ZNF264: variants seen among roughly 807,000 people sequenced by gnomAD.
The protein encoded by ZNF264 is zinc finger protein 264.
A neutral mutation model predicts 11.2 loss-of-function variants in ZNF264; 11 were observed. The observed-to-expected ratio is 0.98, with a 90% CI of 0.62 to 1.63. ZNF264 has a LOEUF of 1.63. Ranked by LOEUF, ZNF264 falls within the 40% of genes most tolerant of loss-of-function variation. The pLI, the probability that ZNF264 is intolerant of heterozygous loss-of-function variation, is 0.00. For missense variants in ZNF264, 752 were observed against 768.1 expected, an observed-to-expected ratio of 0.98 and a Z score of 0.25; for synonymous variants, 309 against 279.8, an observed-to-expected ratio of 1.10 and a Z score of -1.04.
At chr19:57,201,806 C>G (rs1332275268) in intron 2 of ZNF264, among the ~76,000 whole-genome samples, 1 of 151,928 alleles carries the variant, frequency 6.6e-6, no homozygotes, top group East Asian at 1.9e-4. Context: ...CTGCCAGCAT[C>G]TCGCAGCCTT....
At chr19:57,207,437 G>T (rs1005483793) in intron 3 of ZNF264, among the ~76,000 whole-genome samples, 2 of 151,798 alleles carry the variant, frequency 1.3e-5, no homozygotes, top group African/African-American at 4.8e-5. Context: ...CTATACCAGG[G>T]TCTAGAACAC....
chr19:57,201,329 A>G (rs2087251899), intron 2 of ZNF264, among the ~76,000 whole-genome samples: 1 of 151,960 alleles, frequency 6.6e-6, no homozygotes, highest in African/African-American at 2.4e-5. Context: ...GGGGAGAGGA[A>G]GAGGTTTGAT....
chr19:57,200,160 G>A (rs2087240909), intron 2 of ZNF264, among the ~76,000 whole-genome samples: 1 of 151,820 alleles, frequency 6.6e-6, no homozygotes, highest in African/African-American at 2.4e-5. Flanking sequence ...AGCTAGTCAT[G>A]TGAGTGGCTG....
rs767323691 is a variant in ZNF264, at chr19:57,197,131, G to A, written c.160+3130G>A. On this transcript the variant is annotated intron_variant, in intron 2 of 3. Coordinates refer to ENST00000263095, the MANE Select transcript of ZNF264 (RefSeq NM_003417.5). ...ATAGGGAACTTCCCATGAGGCCATC[G>A]GTGCAGGCTGGGGGAGAGAAGGTGG... Among the ~76,000 whole-genome samples, 9 of 151,860 alleles carry A rather than the reference G, an allele frequency of 5.9e-5. 1 individual carries two copies. In the South Asian group the frequency reaches 8.3e-4, roughly 14 times the overall value.
rs1201671215 is a variant in ZNF264, at chr19:57,211,338, G to A, written c.257-16G>A. On this transcript the variant is annotated splice_polypyrimidine_tract_variant and intron_variant, in intron 3 of 3. Coordinates refer to ENST00000263095, the MANE Select transcript of ZNF264 (RefSeq NM_003417.5). ...CCTTTACTAACAGGCCCTTTTGTGTGCTGGATTTCTTTCAGGCGACAAAGG... is the reference window on the plus strand; with the variant it reads ...CCTTTACTAACAGGCCCTTTTGTGTACTGGATTTCTTTCAGGCGACAAAGG... 6.3e-7 allele frequency: 1 copy of A among 1,579,594 alleles called. No homozygotes were observed. Among genetic ancestry groups the A allele is most frequent in the South Asian group, 1.1e-5 (1 of 87,510 alleles).
Position 57,219,067 on chromosome 19 carries a change from T to G in ZNF264, c.*6086T>G, listed in dbSNP as rs2087399531. On this transcript the variant is annotated 3_prime_UTR_variant, in exon 4 of 4. Transcript: ENST00000263095. ...AGATTTTTCAGAGTCATGTTCTCCA[T>G]GGAATGTTTGTAAAATTCCCTAGCT... 6.6e-6 allele frequency: 1 copy of G among 152,096 alleles called. No individual in the cohort carries two copies. Among genetic ancestry groups the G allele is most frequent in the African/African-American group, 2.4e-5 (1 of 41,396 alleles). The allele number at this position is 152,096 out of a possible 1,614,324, so 9.4% of individuals were successfully genotyped here. A position where few individuals can be genotyped will look rare whatever the true frequency, so the allele number is the denominator to read the frequency against.
chr19:57,191,854 G>T lies in ZNF264; in HGVS notation c.-60G>T. On this transcript the variant is annotated 5_prime_UTR_variant, in exon 1 of 4. Transcript: ENST00000263095. The stretch of plus-strand genomic sequence containing the variant: ...AACCGGCCAGGGTCGGGCACAGGTG[G>T]GGTCCGTCAGGCCGCCCGGGGCTCC... 7.9e-7 allele frequency: 1 copy of T among 1,258,494 alleles called. No homozygotes were observed. Among genetic ancestry groups the T allele is most frequent in the African/African-American group, 1.5e-5 (1 of 64,736 alleles). The allele number at this position is 1,258,494 out of a possible 1,614,324, so 78.0% of individuals were successfully genotyped here.
chr19:57,206,260 T>C (rs968790327), intron 3 of ZNF264, among the ~76,000 whole-genome samples: 13 of 152,184 alleles, frequency 8.5e-5, no homozygotes, highest in Non-Finnish European at 2.9e-5. Context: ...CTTTTTTTTT[T>C]TGAGACGGAG....
chr19:57,217,734 A>C lies in ZNF264; in HGVS notation c.*4753A>C, dbSNP rs1318803444. The C allele has an allele frequency of 6.8e-6, 1 of 146,004 alleles. No homozygotes were observed. Among genetic ancestry groups the C allele is most frequent in the Non-Finnish European group, 1.5e-5 (1 of 66,902 alleles). The allele number at this position is 146,004 out of a possible 1,614,324, so 9.0% of individuals were successfully genotyped here. A position where few individuals can be genotyped will look rare whatever the true frequency, so the allele number is the denominator to read the frequency against. ...GGCCACAAGATGTAATTTTTACTTT[A>C]TCTCTCACACGTATTTTACAAAACG... On this transcript the variant is annotated 3_prime_UTR_variant, in exon 4 of 4. Coordinates refer to ENST00000263095, the MANE Select transcript of ZNF264 (RefSeq NM_003417.5).
Position 57,211,387 on chromosome 19 carries a change from C to T in ZNF264, c.290C>T (p.Thr97Ile), listed in dbSNP as rs1436040333. ...GGAAAACCTAAGACCACAGAACCTA[C>T]CACTTGTGAGCCAGCCTTGTCAGAG... ...DKGKPKTTEP[T>I]TCEPALSEGI... Residue 97 changes from threonine to isoleucine, a missense_variant, in exon 4 of 4, where the codon ACC (threonine) becomes ATC (isoleucine). Transcript: ENST00000263095. 3 of 1,613,834 alleles carry T rather than the reference C, an allele frequency of 1.9e-6. No homozygotes were observed. The highest frequency in any genetic ancestry group is 3.3e-5 in the Admixed American group (2 of 59,994).
At chr19:57,209,158 T>G (rs1179851139) in intron 3 of ZNF264, among the ~76,000 whole-genome samples, 1 of 152,142 alleles carries the variant, frequency 6.6e-6, no homozygotes, top group Non-Finnish European at 1.5e-5. Flanking sequence ...CTCCAAAAGG[T>G]CTTAATTTAC....
Position 57,215,159 on chromosome 19 carries a change from A to G in ZNF264, c.*2178A>G, listed in dbSNP as rs1448263301. 6.6e-6 allele frequency: 1 copy of G among 152,208 alleles called. No individual in the cohort carries two copies. The highest frequency in any genetic ancestry group is 1.5e-5 in the Non-Finnish European group (1 of 68,014). The allele number at this position is 152,208 out of a possible 1,614,324, so 9.4% of individuals were successfully genotyped here. A position where few individuals can be genotyped will look rare whatever the true frequency, so the allele number is the denominator to read the frequency against. On this transcript the variant is annotated 3_prime_UTR_variant, in exon 4 of 4. Coordinates refer to ENST00000263095, the MANE Select transcript of ZNF264 (RefSeq NM_003417.5). ...AGAATTGGTGTTATTTGTTCTTGTC[A>G]TGTTTGATGACCTCTAGTCAACCAT...
At position 57,212,044 on chromosome 19, in the gene ZNF264, T is replaced by A; in HGVS notation, c.947T>A (p.Val316Glu). The change falls in exon 4 of 4, where the codon GTG (valine) becomes GAG (glutamate). Residue 316 changes from valine (V) to glutamate (E), a missense_variant. Transcript: ENST00000263095. Reference sequence around the variant, plus strand: ...AGACACACTGGAGAAAAATCCTTTGTGTGCACAGAATGTGGCCAAGTCTTT... The same window carrying A: ...AGACACACTGGAGAAAAATCCTTTGAGTGCACAGAATGTGGCCAAGTCTTT... ...NRRHTGEKSF[V>E]CTECGQVFRH... 1 of 1,613,672 alleles carries A rather than the reference T, an allele frequency of 6.2e-7. No individual in the cohort carries two copies. Among genetic ancestry groups the A allele is most frequent in the Non-Finnish European group, 8.5e-7 (1 of 1,179,896 alleles).
chr19:57,206,460 G>A (rs1231358863), intron 3 of ZNF264, among the ~76,000 whole-genome samples: 2 of 151,330 alleles, frequency 1.3e-5, no homozygotes, highest in South Asian at 2.1e-4. Flanking sequence ...CCGTGGTCTC[G>A]ATCTCCTGAC....
In ZNF264 at chr19:57,211,658, A is replaced by T. The variant is rs1231183954; in HGVS notation, c.561A>T (p.Ser187=). The change falls in exon 4 of 4, where the codon TCA becomes TCT. Residue 187 remains serine (S), a synonymous_variant. Coordinates refer to ENST00000263095, the MANE Select transcript of ZNF264 (RefSeq NM_003417.5). The part of the protein sequence containing the change: ...SPGDRVRSHN[S]CESGKDPMIQ... The stretch of plus-strand genomic sequence containing the variant: ...GAGATAGAGTCCGTAGCCATAACTC[A>T]TGTGAGTCAGGTAAAGATCCCATGA... The T allele has an allele frequency of 6.2e-7, 1 of 1,613,492 alleles. No homozygotes were observed. Among genetic ancestry groups the T allele is most frequent in the East Asian group, 2.2e-5 (1 of 44,882 alleles).
chr19:57,207,936 G>A (rs1212545694), intron 3 of ZNF264, among the ~76,000 whole-genome samples: 1 of 152,046 alleles, frequency 6.6e-6, no homozygotes, highest in Non-Finnish European at 1.5e-5. Context: ...ATGTTGGCCA[G>A]GCTGGTCTCG....
At chr19:57,207,915 G>T (rs773614670) in intron 3 of ZNF264, among the ~76,000 whole-genome samples, 1 of 152,028 alleles carries the variant, frequency 6.6e-6, no homozygotes, top group Non-Finnish European at 1.5e-5. Context: ...TAATAAAAAT[G>T]GGGTTTCACC....
rs1359042299 is a variant in ZNF264, at chr19:57,220,264, A to G, written c.*7283A>G. 3 of 152,182 alleles carry G rather than the reference A, an allele frequency of 2.0e-5. No individual in the cohort carries two copies. Among genetic ancestry groups the G allele is most frequent in the Non-Finnish European group, 4.4e-5 (3 of 68,040 alleles). The allele number at this position is 152,182 out of a possible 1,614,324, so 9.4% of individuals were successfully genotyped here. A position where few individuals can be genotyped will look rare whatever the true frequency, so the allele number is the denominator to read the frequency against. On this transcript the variant is annotated 3_prime_UTR_variant, in exon 4 of 4. Transcript: ENST00000263095. Reference sequence around the variant, plus strand: ...TATAATCTGTTACTCTCATTCGACAATACATCTTGACTGTTTCTTCAACTT... The same window carrying G: ...TATAATCTGTTACTCTCATTCGACAGTACATCTTGACTGTTTCTTCAACTT...
intron 3 of ZNF264, among the ~76,000 whole-genome samples, chr19:57,208,769 T>C (rs12460381): frequency 0.26 from 39,034 of 152,026 alleles, 5,299 homozygotes; most frequent in South Asian, 0.33. Flanking sequence ...TCCCTTTGTT[T>C]TCTAAAGAGC....
Sources: allele counts gnomAD v4.1 joint callset (sites outside exome capture counted in the v4.1 genomes callset), GRCh38; gene constraint gnomAD v4.1.1; transcripts MANE v1.5; gene names NCBI Gene and HGNC (gene_info 2026-07-23, HGNC 2026-07-21).